The following FBN3 variants were observed in gnomAD, a reference collection of about 807,000 sequenced individuals.
FBN3 encodes fibrillin-3.
Under a neutral mutation model 330.1 loss-of-function variants are expected in FBN3, and 234 were observed. That is an observed-to-expected ratio of 0.71 (90% confidence interval 0.64 to 0.79). The LOEUF (loss-of-function observed/expected upper bound fraction) is 0.79, where lower values mean the gene tolerates loss of function less well. Ranked by LOEUF, FBN3 falls within the 30% of genes least tolerant of loss-of-function variation. FBN3 has a pLI of 0.00. For missense variants in FBN3, 3,606 were observed against 3,886.9 expected (o/e 0.93, Z 1.92); for synonymous variants, 1,458 against 1,517.3 (o/e 0.96, Z 0.91).
rs1469884058 is a variant in FBN3, at chr19:8,147,202, G to C, written c.168-16C>G. 6.4e-7 allele frequency: 1 copy of C among 1,562,004 alleles called. No homozygotes were observed. ...CACATTCGGCCTTCGGGGACAGCGA[G>C]ATGGGTCTGGTGAGCCCCTGCCCGT... On this transcript the variant is annotated splice_polypyrimidine_tract_variant and intron_variant, in intron 2 of 63. Transcript: ENST00000600128.
Position 8,121,378 on chromosome 19 carries a change from C to G in FBN3, c.3091G>C (p.Glu1031Gln). 1 of 1,597,332 alleles carries G rather than the reference C, an allele frequency of 6.3e-7. No individual in the cohort carries two copies. The highest frequency in any genetic ancestry group is 8.5e-7 in the Non-Finnish European group (1 of 1,173,536). Residue 1031 changes from glutamate to glutamine, a missense_variant, in exon 25 of 64, where the codon GAG becomes CAG. Physicochemically the swap from Glu to Gln is conservative, Grantham distance 29. Transcript: ENST00000600128. The surrounding 1 kb of genome is among the most constrained non-coding windows in gnomAD (Gnocchi z 4.5). Reference protein sequence around the residue: ...AQERNCTDIDECRISPDLCGQ... With the variant: ...AQERNCTDIDQCRISPDLCGQ... ...CAGAGGTCAGGAGAGATGCGACACT[C>G]GTCGATATCTGTGGGGAGAGGGGGC...
At position 8,117,295 on chromosome 19, in the gene FBN3, C is replaced by T; in HGVS notation, c.3464-4G>A. 6.2e-7 allele frequency: 1 copy of T among 1,611,346 alleles called. No individual in the cohort carries two copies. The highest frequency in any genetic ancestry group is 8.5e-7 in the Non-Finnish European group (1 of 1,179,072). Reference sequence around the variant, plus strand: ...TGGACCCGGCATTCGTTGATGTCTGCAGGATGCAGGGCAGACAGGGGCTGG... The same window carrying T: ...TGGACCCGGCATTCGTTGATGTCTGTAGGATGCAGGGCAGACAGGGGCTGG... On this transcript the variant is annotated splice_polypyrimidine_tract_variant and splice_region_variant and intron_variant, in intron 27 of 63. Coordinates refer to ENST00000600128, the MANE Select transcript of FBN3 (RefSeq NM_032447.5).
At chr19:8,135,940 A>ACCCCCCCCCCCC in intron 13 of FBN3, 21 bp downstream of exon 13, 4 of 168,340 alleles carry the variant, frequency 2.4e-5, no homozygotes, top group South Asian at 3.9e-5. Flanking sequence ...GCCCCTGCCC[A>ACCCCCCCCCCCC]CCCGCCCACC....
chr19:8,146,105 C>T, intron 4 of FBN3, 22 bp downstream of exon 4: 1 of 1,564,888 alleles, frequency 6.4e-7, no homozygotes, highest in Non-Finnish European at 8.7e-7. Flanking sequence ...CTCCCTCCCG[C>T]AAGAGGCCGC....
intron 61 of FBN3, among the ~76,000 whole-genome samples, chr19:8,073,617 A>T (rs2081573578): frequency 6.6e-6 from 1 of 152,228 alleles, no homozygotes; most frequent in Non-Finnish European, 1.5e-5. Context: ...GCCTCCTTGC[A>T]CTGTGGGACA....
chr19:8,074,969 A>G, intron 61 of FBN3, 102 bp downstream of exon 61: 2 of 1,462,642 alleles, frequency 1.4e-6, no homozygotes, highest in Admixed American at 4.5e-5. Flanking sequence ...TCTTTAGATA[A>G]TTGTGCTTGT....
Position 8,116,800 on chromosome 19 carries a change from C to G in FBN3, c.3587-1G>C. 6.2e-7 allele frequency: 1 copy of G among 1,613,616 alleles called. No individual in the cohort carries two copies. The highest frequency in any genetic ancestry group is 8.5e-7 in the Non-Finnish European group (1 of 1,179,726). ...GGGTTCTCTTCACACTCGTCCACGT[C>G]TGGGGGAGCAGGGTTGGGGACTGTG... is the stretch of plus-strand genomic sequence containing the variant. On this transcript the variant is annotated splice_acceptor_variant, in intron 28 of 63. Coordinates refer to ENST00000600128, the MANE Select transcript of FBN3 (RefSeq NM_032447.5). LOFTEE classifies it high-confidence loss of function.
At chr19:8,135,477 C>T (rs1052822307) in intron 13 of FBN3, among the ~76,000 whole-genome samples, 10 of 151,776 alleles carry the variant, frequency 6.6e-5, no homozygotes, top group East Asian at 3.9e-4. Context: ...GGGGTTTCAC[C>T]GTGTTGGTCA....
At chr19:8,111,512 C>T in intron 32 of FBN3, 136 bp downstream of exon 32, 2 of 1,018,194 alleles carry the variant, frequency 2.0e-6, no homozygotes, top group Non-Finnish European at 2.8e-6. Context: ...GCCGAGGACA[C>T]AGCCTCTCCA....
intron 62 of FBN3, 57 bp downstream of exon 62, chr19:8,073,006 T>TGTGAGAGA: frequency 3.1e-6 from 3 of 964,448 alleles, no homozygotes; most frequent in Non-Finnish European, 4.9e-6. Context: ...TGTGTGTGCG[T>TGTGAGAGA]GCGTGCATGG....
chr19:8,105,248 CA>C (rs1220395808), intron 38 of FBN3, among the ~76,000 whole-genome samples: 1 of 151,412 alleles, frequency 6.6e-6, no homozygotes, highest in Admixed American at 6.6e-5. Context: ...CCACTGTGCC[CA>C]GTCTTTTTTT....
chr19:8,143,254 G>A (rs2083454334), intron 6 of FBN3, among the ~76,000 whole-genome samples: 1 of 152,170 alleles, frequency 6.6e-6, no homozygotes, highest in East Asian at 1.9e-4. Context: ...GGCAGCCCAC[G>A]CCGCCATCTC....
intron 16 of FBN3, among the ~76,000 whole-genome samples, chr19:8,130,477 C>A (rs1439379088): frequency 2.6e-4 from 36 of 139,932 alleles, no homozygotes; most frequent in Non-Finnish European, 1.4e-4. Flanking sequence ...CGCCACTGCA[C>A]TCCAGCCTGG....
At position 8,136,281 on chromosome 19, in the gene FBN3, G is replaced by A. The variant is rs2083279137; in HGVS notation, c.1374C>T (p.Cys458=). 2 of 1,603,550 alleles carry A rather than the reference G, an allele frequency of 1.2e-6. No individual in the cohort carries two copies. The highest frequency in any genetic ancestry group is 2.7e-5 in the African/African-American group (2 of 74,870). ...GGATGTTGACGCAGTCACCGTGGTG[G>A]CAGGGGCTGCTGGTGCATTCGTCTA... ...IDVDECTSSP[C]HHGDCVNIPG... is the part of the protein sequence containing the mutation. The change falls in exon 12 of 64, where the codon TGC becomes TGT. Residue 458 remains cysteine, a synonymous_variant. Transcript: ENST00000600128.
chr19:8,130,599 A>AGGAAGGAAGGAAGGAAGGAAGGAAGGAAG (rs1340081934), intron 16 of FBN3, among the ~76,000 whole-genome samples: 1 of 14,298 alleles, frequency 7.0e-5, no homozygotes, highest in Non-Finnish European at 1.4e-4. Flanking sequence ...AAAGAAAGAA[A>AGGAAGGAAGGAAGGAAGGAAGGAAGGAAG]GAAAGAAAGA....
In FBN3 at chr19:8,085,488, C is replaced by T. The variant is rs771216262; in HGVS notation, c.6962G>A (p.Arg2321Lys). ...GCCACCCCCACAGCAGCACTCGGCC[C>T]TGGTGACAGCCTCACTGCTGCTGGA... is the stretch of plus-strand genomic sequence containing the variant. Reference protein sequence around the residue: ...SLSSSSEAVTRAECCCGGGRG... With the variant: ...SLSSSSEAVTKAECCCGGGRG... Residue 2321 changes from arginine (R) to lysine (K), a missense_variant, in exon 56 of 64, where the codon AGG becomes AAG. Transcript: ENST00000600128. 10 of 1,592,418 alleles carry T rather than the reference C, an allele frequency of 6.3e-6. No homozygotes were observed. In the East Asian group the frequency reaches 2.1e-4, roughly 33 times the overall value.
intron 20 of FBN3, 46 bp from the exon 21 acceptor site, chr19:8,126,393 G>A (rs779254625): frequency 4.4e-5 from 70 of 1,583,192 alleles, no homozygotes; most frequent in Non-Finnish European, 5.8e-5. Flanking sequence ...ATTTTCTCAT[G>A]CCAGCCCAAG....
chr19:8,106,419 C>T (rs2082439725), intron 37 of FBN3, among the ~76,000 whole-genome samples, 186 bp from the exon 38 acceptor site: 1 of 152,214 alleles, frequency 6.6e-6, no homozygotes, highest in Non-Finnish European at 1.5e-5. Context: ...TAATGTTACC[C>T]TAAATTCAAC....
At chr19:8,133,713 A>G (rs933709181) in intron 13 of FBN3, among the ~76,000 whole-genome samples, 1 of 151,812 alleles carries the variant, frequency 6.6e-6, no homozygotes, top group Non-Finnish European at 1.5e-5. Context: ...CGTCCTCCCA[A>G]AGTGCTGGGA....
Sources: gnomAD v4.1 joint callset for allele counts (sites outside exome capture counted in the v4.1 genomes callset) on GRCh38, gnomAD v4.1.1 for gene constraint, Gnocchi (gnomAD v3.1) non-coding constraint, MANE v1.5 for transcripts, NCBI Gene and HGNC (gene_info 2026-07-23, HGNC 2026-07-21) for gene names.